ARHGAP21: variants seen among roughly 807,000 people sequenced by gnomAD.
ARHGAP21 encodes Rho GTPase activating protein 21.
Under a neutral mutation model 164.6 loss-of-function variants are expected in ARHGAP21, and 38 were observed. The ratio of observed to expected loss-of-function variants is 0.23; its 90% confidence interval spans 0.18 to 0.30. The LOEUF (loss-of-function observed/expected upper bound fraction) is 0.30, where lower values mean the gene tolerates loss of function less well. Among genes scored for constraint, ARHGAP21 ranks in the 10% least tolerant of loss-of-function variants. The pLI is 1.00. For synonymous variants in ARHGAP21, 766 were observed against 857.9 expected (o/e 0.89, Z 1.87); for missense variants, 1,822 against 2,370.7 (o/e 0.77, Z 4.81).
intron 2 of ARHGAP21, among the ~76,000 whole-genome samples, chr10:24,694,526 T>TC (rs1842985970): frequency 6.6e-6 from 1 of 152,212 alleles, no homozygotes; most frequent in Admixed American, 6.5e-5. Context: ...AAACATCTTG[T>TC]CTTGAATGAG....
At chr10:24,687,796 A>T (rs1483587149) in intron 2 of ARHGAP21, among the ~76,000 whole-genome samples, 1 of 152,192 alleles carries the variant, frequency 6.6e-6, no homozygotes, top group Non-Finnish European at 1.5e-5. Flanking sequence ...TTGAGCAGAT[A>T]CCAGCAATAC....
rs11014181 is a variant in ARHGAP21 at position 24,625,062 on chromosome 10, G to C, written c.496-2300C>G. On this transcript the variant is annotated intron_variant, in intron 7 of 25. Transcript: ENST00000396432. ...AAGCTCTAAAAAGTGGGGGGGGGGG[G>C]GGAGGAGGAGGAGGAAGAAAATAAG... Among the ~76,000 whole-genome samples the C allele has an allele frequency of 4.6e-5, 2 of 43,912 alleles. 1 individual carries two copies. Among genetic ancestry groups the C allele is most frequent in the Admixed American group, 4.9e-4 (2 of 4,086 alleles). The allele number at this position is 43,912 out of a possible 152,430, so 28.8% of individuals were successfully genotyped here. A position where few individuals can be genotyped will look rare whatever the true frequency, so the allele number is the denominator to read the frequency against.
At chr10:24,644,874 T>C (rs1393396370) in intron 4 of ARHGAP21, among the ~76,000 whole-genome samples, 2 of 152,324 alleles carry the variant, frequency 1.3e-5, no homozygotes, top group Non-Finnish European at 1.5e-5. Context: ...CTGTCAAATC[T>C]ATTTTCAACC....
In ARHGAP21 at chr10:24,634,999, G is replaced by T; in HGVS notation, c.361+12C>A. 2 of 1,505,672 alleles carry T rather than the reference G, an allele frequency of 1.3e-6. No homozygotes were observed. The highest frequency in any genetic ancestry group is 1.8e-6 in the Non-Finnish European group (2 of 1,119,206). The allele number at this position is 1,505,672 out of a possible 1,614,324, so 93.3% of individuals were successfully genotyped here. A position where few individuals can be genotyped will look rare whatever the true frequency, so the allele number is the denominator to read the frequency against. ...AAATTAAAACGTATTGTTTAAAGAA[G>T]AATATCAGCACCTGTACATAATCCA... is the stretch of plus-strand genomic sequence containing the variant. On this transcript the variant is annotated intron_variant, in intron 5 of 25. Coordinates refer to ENST00000396432, the MANE Select transcript of ARHGAP21 (RefSeq NM_020824.4).
At chr10:24,622,914 A>T (rs575124678) in intron 7 of ARHGAP21, 152 bp from the exon 8 acceptor site, 1 of 626,584 alleles carries the variant, frequency 1.6e-6, no homozygotes, top group Non-Finnish European at 2.7e-6. Context: ...AGTGAAGCAT[A>T]AAGAATAACT....
intron 2 of ARHGAP21, among the ~76,000 whole-genome samples, chr10:24,708,958 G>A (rs775601177): frequency 1.3e-5 from 2 of 152,062 alleles, no homozygotes; most frequent in East Asian, 3.9e-4. Context: ...AGATTCCTAG[G>A]TCAAATGGTA....
At chr10:24,669,359 A>C (rs775500019) in intron 3 of ARHGAP21, among the ~76,000 whole-genome samples, 1 of 152,188 alleles carries the variant, frequency 6.6e-6, no homozygotes, top group Non-Finnish European at 1.5e-5. Flanking sequence ...ATTAGAAAAG[A>C]CTTTGTAATA....
chr10:24,612,676 A>G (rs1203901817), intron 9 of ARHGAP21, among the ~76,000 whole-genome samples: 1 of 151,582 alleles, frequency 6.6e-6, no homozygotes, highest in African/African-American at 2.4e-5. Flanking sequence ...AATACGGTGA[A>G]ACCCCGTCTC....
intron 2 of ARHGAP21, among the ~76,000 whole-genome samples, chr10:24,698,493 T>A (rs898862071): frequency 6.6e-6 from 1 of 152,210 alleles, no homozygotes; most frequent in African/African-American, 2.4e-5. Flanking sequence ...AGTCCAACTC[T>A]CATCAAGAAG....
At chr10:24,639,230 A>T (rs1217908003) in intron 4 of ARHGAP21, among the ~76,000 whole-genome samples, 2 of 152,206 alleles carry the variant, frequency 1.3e-5, no homozygotes, top group African/African-American at 4.8e-5. Context: ...ACTAAAAAAT[A>T]GTAGTAGTCT....
At chr10:24,716,421 A>G (rs1307733188) in intron 2 of ARHGAP21, among the ~76,000 whole-genome samples, 3 of 152,238 alleles carry the variant, frequency 2.0e-5, no homozygotes, top group Admixed American at 2.0e-4. Flanking sequence ...CAAGCTGTGC[A>G]GAGACTGGGG....
At chr10:24,693,579 C>T (rs1367253883) in intron 2 of ARHGAP21, among the ~76,000 whole-genome samples, 2 of 152,104 alleles carry the variant, frequency 1.3e-5, no homozygotes, top group Non-Finnish European at 2.9e-5. Context: ...TCTTGAACTC[C>T]TGACCTCAGG....
chr10:24,722,317 C>A (rs944756724), intron 1 of ARHGAP21, 38 bp from the exon 2 acceptor site: 2 of 180,644 alleles, frequency 1.1e-5, no homozygotes, highest in African/African-American at 4.6e-5. Context: ...GAACTTTCTC[C>A]AGGCGCCTAT....
intron 2 of ARHGAP21, among the ~76,000 whole-genome samples, chr10:24,678,631 C>A (rs1018448095): frequency 1.3e-5 from 2 of 152,144 alleles, no homozygotes; most frequent in Non-Finnish European, 2.9e-5. Flanking sequence ...TCCCAAGTAG[C>A]TGGGTCTACA....
At chr10:24,712,074 C>T (rs1844885130) in intron 2 of ARHGAP21, among the ~76,000 whole-genome samples, 1 of 152,058 alleles carries the variant, frequency 6.6e-6, no homozygotes. Context: ...ACCACTACAC[C>T]CAGCTAATTT....
chr10:24,643,226 C>T (rs905498719), intron 4 of ARHGAP21, among the ~76,000 whole-genome samples: 1 of 152,222 alleles, frequency 6.6e-6, no homozygotes, highest in African/African-American at 2.4e-5. Context: ...AGAATCCTGG[C>T]ATCTGCCTTC....
At chr10:24,610,083 G>T (rs766397013) in intron 9 of ARHGAP21, among the ~76,000 whole-genome samples, 7 of 152,154 alleles carry the variant, frequency 4.6e-5, no homozygotes, top group Non-Finnish European at 1.0e-4. Flanking sequence ...ACTGACTTAA[G>T]AAACGAGGTC....
chr10:24,670,460 AT>A, intron 2 of ARHGAP21, 63 bp from the exon 3 acceptor site: 1 of 1,168,922 alleles, frequency 8.6e-7, no homozygotes, highest in Non-Finnish European at 1.1e-6. Flanking sequence ...ATCTAAAAAA[AT>A]TCTATGTAAA....
intron 5 of ARHGAP21, among the ~76,000 whole-genome samples, chr10:24,633,883 C>CTCT (rs1836091837): frequency 1.3e-5 from 1 of 75,456 alleles, no homozygotes; most frequent in Non-Finnish European, 2.4e-5. Context: ...CTTTTTTTCT[C>CTCT]TTTTTTTTTT....
Sources: gnomAD v4.1 joint callset for allele counts (sites outside exome capture counted in the v4.1 genomes callset) on GRCh38, gnomAD v4.1.1 for gene constraint, MANE v1.5 for transcripts, NCBI Gene and HGNC (gene_info 2026-07-23, HGNC 2026-07-21) for gene names.